FUT8: variants seen among roughly 807,000 people sequenced by gnomAD.
FUT8 encodes the protein alpha-(1,6)-fucosyltransferase.
In FUT8, 29 loss-of-function variants were observed where a neutral mutation model predicts 71.3. The observed-to-expected ratio is 0.41, with a 90% confidence interval of 0.30 to 0.55. FUT8 has a LOEUF of 0.55. Ranked by LOEUF, FUT8 falls within the 20% of genes least tolerant of loss-of-function variation. The probability of loss-of-function intolerance (pLI) is 0.34; values close to 1 mark genes in which losing one functional copy is unlikely to be tolerated. For missense variants in FUT8, 544 were observed against 702.1 expected, an observed-to-expected ratio of 0.77 and a Z score of 2.55; for synonymous variants, 254 against 239.3, an observed-to-expected ratio of 1.06 and a Z score of -0.57.
chr14:65,493,770 T>C (rs1357946234), intron 2 of FUT8, among the ~76,000 whole-genome samples: 1 of 152,028 alleles, frequency 6.6e-6, no homozygotes, highest in Non-Finnish European at 1.5e-5. Flanking sequence ...AGGGATAACC[T>C]TGGAGGCCTC....
intron 6 of FUT8, among the ~76,000 whole-genome samples, chr14:65,654,493 CAGG>C (rs1306391024): frequency 6.6e-6 from 1 of 151,808 alleles, no homozygotes; most frequent in African/African-American, 2.4e-5. Context: ...GAGACTGATG[CAGG>C]AGAAGTGTTG....
chr14:65,700,381 G>GTTT (rs763718984), intron 7 of FUT8, among the ~76,000 whole-genome samples: 818 of 48,870 alleles, frequency 0.017, 232 homozygotes, highest in African/African-American at 0.019. Context: ...CTTTCTTTCT[G>GTTT]TTTTTTTTTT....
intron 3 of FUT8, among the ~76,000 whole-genome samples, chr14:65,567,963 G>A (rs1886281893): frequency 6.6e-6 from 1 of 151,778 alleles, no homozygotes; most frequent in Non-Finnish European, 1.5e-5. Flanking sequence ...ATGTAAAGTT[G>A]ATATTCATTT....
chr14:65,577,481 T>C (rs1203375520), intron 3 of FUT8, among the ~76,000 whole-genome samples: 1 of 152,142 alleles, frequency 6.6e-6, no homozygotes, highest in Non-Finnish European at 1.5e-5. Flanking sequence ...TTGCAATAAG[T>C]TTAAAATGAG....
chr14:65,631,988 A>C (rs564178025), intron 6 of FUT8, among the ~76,000 whole-genome samples: 1 of 152,356 alleles, frequency 6.6e-6, no homozygotes, highest in East Asian at 1.9e-4. Context: ...ACTCAGAATA[A>C]TAGTCTCCAA....
chr14:65,372,092 T>G, the FUT8 span, among the ~76,000 whole-genome samples: 2,760 of 152,286 alleles, frequency 0.018, 85 homozygotes, highest in African/African-American at 0.063. Flanking sequence ...TGACCCTTGT[T>G]ATCTGTAATT....
intron 6 of FUT8, among the ~76,000 whole-genome samples, chr14:65,644,650 C>T (rs1268767705): frequency 5.3e-5 from 8 of 152,120 alleles, no homozygotes; most frequent in South Asian, 2.1e-4. Flanking sequence ...TGTGAGCCAC[C>T]GCGCCCGGCC....
At chr14:65,469,712 C>T (rs778848824) in intron 2 of FUT8, among the ~76,000 whole-genome samples, 6 of 152,192 alleles carry the variant, frequency 3.9e-5, no homozygotes, top group Non-Finnish European at 8.8e-5. Flanking sequence ...TGGCTCCTCT[C>T]TGCAGGCAGG....
At chr14:65,612,701 C>G (rs1303164038) in intron 3 of FUT8, among the ~76,000 whole-genome samples, 4 of 152,188 alleles carry the variant, frequency 2.6e-5, no homozygotes, top group African/African-American at 9.7e-5. Context: ...TGGAAACTCT[C>G]TGAATGCAGT....
At chr14:65,685,712 G>A (rs1798440739) in intron 7 of FUT8, among the ~76,000 whole-genome samples, 2 of 150,478 alleles carry the variant, frequency 1.3e-5, no homozygotes, top group African/African-American at 2.5e-5. Flanking sequence ...GGCAATTCAC[G>A]GAACTGAGGG....
Position 65,435,634 on chromosome 14 carries a change from T to TTGCTGGATGATATGGTAAGCATA in FUT8, c.-325-19984_-325-19962dup, listed in dbSNP as rs145597484. Among the ~76,000 whole-genome samples, 854 of 152,258 alleles carry TTGCTGGATGATATGGTAAGCATA rather than the reference T, an allele frequency of 5.6e-3. 27 individuals carry two copies. In the East Asian group the frequency reaches 0.09, roughly 16 times the overall value. ...ACTTGGGTAAATACCTAGGAGCAGA[T>TTGCTGGATGATATGGTAAGCATA]TGCTGGATGATATGGTAAGCATATG... On this transcript the variant is annotated intron_variant, in intron 1 of 10. Coordinates refer to ENST00000673929, the MANE Select transcript of FUT8 (RefSeq NM_001371533.1).
chr14:65,625,557 A>G (rs1889855604), intron 5 of FUT8, among the ~76,000 whole-genome samples: 1 of 152,246 alleles, frequency 6.6e-6, no homozygotes, highest in Non-Finnish European at 1.5e-5. Flanking sequence ...AGAATAACAA[A>G]TAAGAAAATG....
chr14:65,723,693 A>C (rs1895543884), intron 8 of FUT8, among the ~76,000 whole-genome samples: 1 of 152,288 alleles, frequency 6.6e-6, no homozygotes, highest in Non-Finnish European at 1.5e-5. Flanking sequence ...TCCAGGGTAA[A>C]ATAAAGAGGA....
At chr14:65,675,447 A>G (rs1381300703) in intron 7 of FUT8, among the ~76,000 whole-genome samples, 2 of 152,162 alleles carry the variant, frequency 1.3e-5, no homozygotes, top group South Asian at 2.1e-4. Flanking sequence ...TATAAAATGA[A>G]AATTTGATCA....
At chr14:65,590,106 A>G (rs1308497220) in intron 3 of FUT8, among the ~76,000 whole-genome samples, 2 of 152,206 alleles carry the variant, frequency 1.3e-5, no homozygotes, top group Non-Finnish European at 2.9e-5. Context: ...GTAATTTCCT[A>G]GCATTTTTTT....
At chr14:65,377,973 G>C in the FUT8 span, among the ~76,000 whole-genome samples, 1 of 152,304 alleles carries the variant, frequency 6.6e-6, no homozygotes, top group South Asian at 2.1e-4. Context: ...TCCAAAGGAG[G>C]GAGAAGGAAA....
chr14:65,619,895 G>A (rs1306924451), intron 5 of FUT8, among the ~76,000 whole-genome samples: 1 of 152,158 alleles, frequency 6.6e-6, no homozygotes, highest in Non-Finnish European at 1.5e-5. Context: ...TTTAGAGTTA[G>A]TATTTTTGCC....
Position 65,446,131 on chromosome 14 carries a change from G to T in FUT8, c.-325-9490G>T, listed in dbSNP as rs576232685. Among the ~76,000 whole-genome samples, 31 of 152,204 alleles carry T rather than the reference G, an allele frequency of 2.0e-4. No individual in the cohort carries two copies. In the East Asian group the frequency reaches 6.0e-3, roughly 29 times the overall value. ...TATATGTATATTTTGAATTTGATAC[G>T]TCTTTTAAGCCTTTTAATCTACAGA... On this transcript the variant is annotated intron_variant, in intron 1 of 10. Coordinates refer to ENST00000673929, the MANE Select transcript of FUT8 (RefSeq NM_001371533.1).
At chr14:65,380,473 G>A in the FUT8 span, among the ~76,000 whole-genome samples, 1 of 152,142 alleles carries the variant, frequency 6.6e-6, no homozygotes, top group Admixed American at 6.5e-5. Flanking sequence ...GAATAATGTA[G>A]TATTTTAGAG....
Sources: gnomAD v4.1 joint callset for allele counts (sites outside exome capture counted in the v4.1 genomes callset) on GRCh38, gnomAD v4.1.1 for gene constraint, MANE v1.5 for transcripts, NCBI Gene and HGNC (gene_info 2026-07-23, HGNC 2026-07-21) for gene names.